AAK1: variants seen among roughly 807,000 people sequenced by gnomAD.
AAK1 encodes AP2-associated protein kinase 1.
AAK1 carries 37 observed loss-of-function variants against 116.0 expected under a neutral mutation model. The observed-to-expected ratio is 0.32, with a 90% CI of 0.25 to 0.42. The LOEUF is 0.42. Among genes scored for constraint, AAK1 ranks in the 10% least tolerant of loss-of-function variants. The probability of loss-of-function intolerance (pLI) is 1.00; values close to 1 mark genes in which losing one functional copy is unlikely to be tolerated. For synonymous variants in AAK1, 458 were observed against 439.9 expected, an observed-to-expected ratio of 1.04 and a Z score of -0.51; for missense variants, 919 against 1,170.6, an observed-to-expected ratio of 0.79 and a Z score of 3.14.
chr2:69,638,827 G>T (rs564206448), intron 2 of AAK1, among the ~76,000 whole-genome samples: 16 of 152,186 alleles, frequency 1.1e-4, no homozygotes, highest in South Asian at 8.3e-4. Flanking sequence ...ACCATCTAAG[G>T]TATGTATGTC....
At chr2:69,551,993 C>T (rs1671201729) in intron 3 of AAK1, among the ~76,000 whole-genome samples, 1 of 152,206 alleles carries the variant, frequency 6.6e-6, no homozygotes, top group Non-Finnish European at 1.5e-5. Context: ...CAAACCTCAG[C>T]ATATTACACA....
At chr2:69,613,874 G>A (rs1371184986) in intron 2 of AAK1, among the ~76,000 whole-genome samples, 1 of 152,222 alleles carries the variant, frequency 6.6e-6, no homozygotes, top group Non-Finnish European at 1.5e-5. Flanking sequence ...AAGGGGTAAT[G>A]AGAACCCCTA....
intron 21 of AAK1, 49 bp downstream of exon 21, chr2:69,476,831 G>C: frequency 7.4e-7 from 1 of 1,356,634 alleles, no homozygotes; most frequent in South Asian, 1.2e-5. Context: ...TGACTATTTT[G>C]AAGAGAACTG....
chr2:69,522,845 G>C lies in AAK1; in HGVS notation c.1056-1857C>G, dbSNP rs531050048. On this transcript the variant is annotated intron_variant, in intron 10 of 21. Transcript: ENST00000409085. Reference sequence around the variant, plus strand: ...GAAAAAAAGAAAAAGCCAAGGGTGAGGGAGGTGAGCAGGCTTCTGTAGAAA... The same window carrying C: ...GAAAAAAAGAAAAAGCCAAGGGTGACGGAGGTGAGCAGGCTTCTGTAGAAA... Among the ~76,000 whole-genome samples the C allele has an allele frequency of 5.9e-5, 9 of 152,068 alleles. No homozygotes were observed. In the East Asian group the frequency reaches 1.2e-3, roughly 20 times the overall value.
intron 2 of AAK1, among the ~76,000 whole-genome samples, chr2:69,581,862 G>A (rs1672561358): frequency 6.6e-6 from 1 of 151,962 alleles, no homozygotes; most frequent in Admixed American, 6.5e-5. Flanking sequence ...CGCATCTGTG[G>A]TCCTAGCTAC....
intron 2 of AAK1, among the ~76,000 whole-genome samples, chr2:69,576,432 T>C (rs960545324): frequency 2.0e-5 from 3 of 152,088 alleles, no homozygotes; most frequent in Non-Finnish European, 4.4e-5. Context: ...TACAGATCAT[T>C]TCATCACCCA....
chr2:69,487,311 T>C (rs143920531), intron 17 of AAK1, among the ~76,000 whole-genome samples: 19 of 152,162 alleles, frequency 1.2e-4, no homozygotes, highest in African/African-American at 4.6e-4. Flanking sequence ...GGCCCTGATA[T>C]CCTTTGTTTT....
chr2:69,553,437 GTTTTTTTTTTTTT>G (rs70954350), intron 3 of AAK1, among the ~76,000 whole-genome samples: 4 of 79,600 alleles, frequency 5.0e-5, no homozygotes, highest in Admixed American at 1.9e-4. Context: ...ATTGAAAGTT[GTTTTTTTTTTTTT>G]TTTTTTTTTT....
intron 17 of AAK1, among the ~76,000 whole-genome samples, chr2:69,493,209 A>G (rs573409378): frequency 6.6e-6 from 1 of 151,046 alleles, no homozygotes; most frequent in African/African-American, 2.4e-5. Context: ...GAAGCTGTGT[A>G]ACTGAATGTG....
rs1446000444 is a variant in AAK1, at chr2:69,535,102, G to T, written c.535-2940C>A. 3.3e-5 allele frequency among the ~76,000 whole-genome samples: 5 copies of T among 152,274 alleles called. No individual in the cohort carries two copies. The East Asian group carries it at 9.6e-4, about 29-fold the overall frequency. ...TCCTCGGCCTCATGCACCTGGCAGG[G>T]CTCATCTAAAACCATGCTTCTCCTA... On this transcript the variant is annotated intron_variant, in intron 5 of 21. Transcript: ENST00000409085.
intron 2 of AAK1, among the ~76,000 whole-genome samples, chr2:69,610,691 T>G (rs1368365763): frequency 6.6e-6 from 1 of 152,178 alleles, no homozygotes; most frequent in Non-Finnish European, 1.5e-5. Flanking sequence ...AACAATGGAC[T>G]ATTAATAGAC....
intron 2 of AAK1, among the ~76,000 whole-genome samples, chr2:69,588,224 T>C (rs911320939): frequency 6.6e-6 from 1 of 152,206 alleles, no homozygotes; most frequent in African/African-American, 2.4e-5. Context: ...GACAGCATCA[T>C]AAAGCACCCG....
intron 2 of AAK1, 115 bp from the exon 3 acceptor site, chr2:69,557,093 G>A (rs1671414960): frequency 8.3e-6 from 6 of 726,074 alleles, no homozygotes; most frequent in Non-Finnish European, 1.2e-5. Flanking sequence ...GCCACTGCCA[G>A]CCAGCCTTTA....
Position 69,465,399 on chromosome 2 carries a change from A to G in AAK1, c.*10470T>C. ...GGGTATTGAGGGTGGGATAGAGACAAGAGGCTTGAGGCTCAGGTTTTGCTC... is the reference window on the plus strand; with the variant it reads ...GGGTATTGAGGGTGGGATAGAGACAGGAGGCTTGAGGCTCAGGTTTTGCTC... On this transcript the variant is annotated 3_prime_UTR_variant, in exon 22 of 22. Transcript: ENST00000409085. 7.9e-7 allele frequency: 1 copy of G among 1,262,548 alleles called. No individual in the cohort carries two copies. Among genetic ancestry groups the G allele is most frequent in the Non-Finnish European group, 1.0e-6 (1 of 973,308 alleles). 78.2% of individuals were successfully genotyped at this position (1,262,548 alleles called of 1,614,324 possible). A position where few individuals can be genotyped will look rare whatever the true frequency, so the allele number is the denominator to read the frequency against.
chr2:69,636,848 C>T (rs562906164), intron 2 of AAK1, among the ~76,000 whole-genome samples: 7 of 152,062 alleles, frequency 4.6e-5, no homozygotes, highest in Non-Finnish European at 8.8e-5. Flanking sequence ...TACAGGTAGC[C>T]GCCACCACGC....
At chr2:69,495,748 T>C (rs1572894884) in intron 17 of AAK1, among the ~76,000 whole-genome samples, 1 of 152,172 alleles carries the variant, frequency 6.6e-6, no homozygotes, top group African/African-American at 2.4e-5. Flanking sequence ...TGAACATTGA[T>C]ATAATATGGA....
chr2:69,467,176 C>T lies in AAK1; in HGVS notation c.*8693G>A. 1.0e-6 allele frequency: 1 copy of T among 985,436 alleles called. No homozygotes were observed. The allele number at this position is 985,436 out of a possible 1,614,324, so 61.0% of individuals were successfully genotyped here. On this transcript the variant is annotated 3_prime_UTR_variant, in exon 22 of 22. Transcript: ENST00000409085. The stretch of plus-strand genomic sequence containing the variant: ...AGCATCAAAATCAGACCAAATAAAT[C>T]ACCTTCAGCTGGAGTTGCCCCAGAA...
At chr2:69,563,682 GC>G (rs1671742424) in intron 2 of AAK1, among the ~76,000 whole-genome samples, 1 of 152,156 alleles carries the variant, frequency 6.6e-6, no homozygotes, top group Non-Finnish European at 1.5e-5. Context: ...CCAATTTTCT[GC>G]CCTACAAACT....
chr2:69,482,510 T>C, intron 18 of AAK1: 3 of 674,926 alleles, frequency 4.4e-6, no homozygotes, highest in South Asian at 3.4e-5. Context: ...TCTCCAGATA[T>C]CAAGAAAGGC....
Sources: allele counts gnomAD v4.1 joint callset (sites outside exome capture counted in the v4.1 genomes callset), GRCh38; gene constraint gnomAD v4.1.1; transcripts MANE v1.5; gene names NCBI Gene and HGNC (gene_info 2026-07-23, HGNC 2026-07-21).